The following EPHA6 variants were observed in gnomAD, a reference collection of about 807,000 sequenced individuals.
EPHA6 encodes ephrin type-A receptor 6.
A neutral mutation model predicts 112.0 loss-of-function variants in EPHA6; 50 were observed. That is an observed-to-expected ratio of 0.45 (90% CI 0.36 to 0.56). The LOEUF (loss-of-function observed/expected upper bound fraction) is 0.56. Among genes scored for constraint, EPHA6 ranks in the 20% least tolerant of loss-of-function variants. The probability of loss-of-function intolerance (pLI) is 0.00; values close to 1 mark genes in which losing one functional copy is unlikely to be tolerated. For missense variants in EPHA6, 1,280 were observed against 1,417.4 expected (o/e 0.90, Z 1.56); for synonymous variants, 529 against 490.7 (o/e 1.08, Z -1.03).
chr3:97,205,896 C>T (rs907575675), intron 3 of EPHA6, among the ~76,000 whole-genome samples: 3 of 152,124 alleles, frequency 2.0e-5, no homozygotes, highest in Middle Eastern at 3.4e-3. Context: ...AGTTATAATA[C>T]TATTCTTGTC....
At chr3:96,976,505 C>T (rs987119665) in intron 2 of EPHA6, among the ~76,000 whole-genome samples, 1 of 152,040 alleles carries the variant, frequency 6.6e-6, no homozygotes, top group African/African-American at 2.4e-5. Context: ...TAAAAAAAGG[C>T]TTTTAAAGTA....
At chr3:97,225,769 A>T (rs1335188901) in intron 3 of EPHA6, among the ~76,000 whole-genome samples, 1 of 152,210 alleles carries the variant, frequency 6.6e-6, no homozygotes, top group African/African-American at 2.4e-5. Context: ...ACAAAAGAAA[A>T]TTTAGCCACT....
At position 97,494,967 on chromosome 3, in the gene EPHA6, A is replaced by G. The variant is rs142767116; in HGVS notation, c.2200+10908A>G. On this transcript the variant is annotated intron_variant, in intron 10 of 17. Coordinates refer to ENST00000389672, the MANE Select transcript of EPHA6 (RefSeq NM_001080448.3). ...CTCTGGAGATCTAGAGTTTTTCTCTAAGTCTTTTCCAGAATTGAACCCAAT... is the reference window on the plus strand; with the variant it reads ...CTCTGGAGATCTAGAGTTTTTCTCTGAGTCTTTTCCAGAATTGAACCCAAT... 2.6e-3 allele frequency among the ~76,000 whole-genome samples: 396 copies of G among 152,284 alleles called. 1 individual carries two copies. Among genetic ancestry groups the G allele is most frequent in the South Asian group, 0.016 (75 of 4,830 alleles).
At chr3:97,132,251 G>T (rs190350989) in intron 3 of EPHA6, among the ~76,000 whole-genome samples, 1 of 152,040 alleles carries the variant, frequency 6.6e-6, no homozygotes, top group Non-Finnish European at 1.5e-5. Flanking sequence ...CACTTGCAAC[G>T]TGTCAGGGAC....
intron 2 of EPHA6, among the ~76,000 whole-genome samples, chr3:96,970,238 T>C (rs2042263231): frequency 6.9e-6 from 1 of 143,898 alleles, no homozygotes; most frequent in Non-Finnish European, 1.5e-5. Flanking sequence ...TGCCTCTTCA[T>C]ACACACACAC....
At chr3:97,484,386 T>C (rs2091646480) in intron 10 of EPHA6, among the ~76,000 whole-genome samples, 1 of 152,200 alleles carries the variant, frequency 6.6e-6, no homozygotes, top group Non-Finnish European at 1.5e-5. Flanking sequence ...ACATACACTA[T>C]AATTATAATA....
At chr3:96,834,093 A>G (rs1168425015) in intron 1 of EPHA6, among the ~76,000 whole-genome samples, 2 of 152,062 alleles carry the variant, frequency 1.3e-5, no homozygotes, top group Non-Finnish European at 2.9e-5. Context: ...ATCTCCCTTG[A>G]TAAATTTCTG....
intron 2 of EPHA6, among the ~76,000 whole-genome samples, chr3:96,880,213 T>C (rs969193125): frequency 6.6e-6 from 1 of 152,158 alleles, no homozygotes; most frequent in African/African-American, 2.4e-5. Context: ...ATTTGATTAT[T>C]ACATAATGTA....
At chr3:97,088,005 A>T (rs926978028) in intron 3 of EPHA6, among the ~76,000 whole-genome samples, 1 of 151,738 alleles carries the variant, frequency 6.6e-6, no homozygotes, top group Non-Finnish European at 1.5e-5. Context: ...ACATGGTAAA[A>T]CCCCGTCTCT....
intron 3 of EPHA6, among the ~76,000 whole-genome samples, chr3:97,176,546 T>G (rs2076839758): frequency 6.6e-6 from 1 of 151,908 alleles, no homozygotes; most frequent in African/African-American, 2.4e-5. Context: ...ACTGGGAGGC[T>G]TATTTAATAG....
chr3:97,546,700 A>G (rs1021573035), intron 11 of EPHA6, among the ~76,000 whole-genome samples: 5 of 152,294 alleles, frequency 3.3e-5, no homozygotes, highest in African/African-American at 9.6e-5. Flanking sequence ...TTTCAGGTAC[A>G]CCAATCAGAC....
chr3:97,176,588 TGA>T (rs2076841289), intron 3 of EPHA6, among the ~76,000 whole-genome samples: 1 of 151,924 alleles, frequency 6.6e-6, no homozygotes, highest in Non-Finnish European at 1.5e-5. Flanking sequence ...ATTGGTTTAT[TGA>T]GGTTTTGTAT....
At chr3:97,067,866 G>A (rs897110789) in intron 3 of EPHA6, among the ~76,000 whole-genome samples, 2 of 152,062 alleles carry the variant, frequency 1.3e-5, no homozygotes, top group Admixed American at 6.6e-5. Context: ...GGATAGGCCA[G>A]GCATGGTGGC....
rs187939228 is a variant in EPHA6 at position 97,290,163 on chromosome 3, C to T, written c.1606+45876C>T. Among the ~76,000 whole-genome samples, 373 of 152,074 alleles carry T rather than the reference C, an allele frequency of 2.5e-3. 3 individuals carry two copies. Among genetic ancestry groups the T allele is most frequent in the African/African-American group, 8.3e-3 (343 of 41,522 alleles). ...TTTTGGTATGATGGGTCCCGGTTTT[C>T]ATTTATTTCAAAGAATTTTTTAAAT... On this transcript the variant is annotated intron_variant, in intron 5 of 17. Coordinates refer to ENST00000389672, the MANE Select transcript of EPHA6 (RefSeq NM_001080448.3).
chr3:97,469,255 C>G (rs1425265810), intron 7 of EPHA6, among the ~76,000 whole-genome samples: 1 of 151,596 alleles, frequency 6.6e-6, no homozygotes, highest in Non-Finnish European at 1.5e-5. Flanking sequence ...GTTTTTCCAC[C>G]TCTTCCATCA....
intron 1 of EPHA6, among the ~76,000 whole-genome samples, chr3:96,828,790 A>C (rs2107261069): frequency 6.6e-6 from 1 of 152,282 alleles, no homozygotes; most frequent in African/African-American, 2.4e-5. Flanking sequence ...GGTTTTGCAC[A>C]GCCACCAGTC....
At chr3:97,525,089 T>C (rs1411583180) in intron 10 of EPHA6, among the ~76,000 whole-genome samples, 1 of 152,172 alleles carries the variant, frequency 6.6e-6, no homozygotes, top group Non-Finnish European at 1.5e-5. Context: ...AAATAATGTA[T>C]CTCTGTCTCG....
chr3:97,577,998 G>C (rs1484390418), intron 11 of EPHA6, among the ~76,000 whole-genome samples: 1 of 152,090 alleles, frequency 6.6e-6, no homozygotes, highest in East Asian at 1.9e-4. Flanking sequence ...CCCAGATAGA[G>C]TAAGAAGAAT....
At chr3:96,965,808 G>A (rs936296309) in intron 2 of EPHA6, among the ~76,000 whole-genome samples, 13 of 152,022 alleles carry the variant, frequency 8.6e-5, no homozygotes, top group African/African-American at 3.1e-4. Context: ...TATTCTTTGA[G>A]GATCAAACTT....
Sources: allele counts gnomAD v4.1 joint callset (sites outside exome capture counted in the v4.1 genomes callset), GRCh38; gene constraint gnomAD v4.1.1; transcripts MANE v1.5; gene names NCBI Gene and HGNC (gene_info 2026-07-23, HGNC 2026-07-21).